PSMD14: variants seen among roughly 807,000 people sequenced by gnomAD.
PSMD14 encodes the protein proteasome 26S subunit, non-ATPase 14, also known as ubiquitin C-terminal hydrolase PSMD14.
In PSMD14, 7 loss-of-function variants were observed where a neutral mutation model predicts 41.2. That is an observed-to-expected ratio of 0.17 (90% CI 0.10 to 0.32). The LOEUF is 0.32. Among genes scored for constraint, PSMD14 ranks in the 10% least tolerant of loss-of-function variants. PSMD14 has a pLI of 1.00. For missense variants in PSMD14, 139 were observed against 375.6 expected (o/e 0.37, Z 5.21); for synonymous variants, 114 against 122.3 (o/e 0.93, Z 0.45).
At chr2:161,409,176 T>C (rs1286339366) in intron 11 of PSMD14, among the ~76,000 whole-genome samples, 2 of 152,206 alleles carry the variant, frequency 1.3e-5, no homozygotes, top group East Asian at 3.9e-4. Context: ...TTTTTAAGTA[T>C]TATTTTTACC....
intron 2 of PSMD14, among the ~76,000 whole-genome samples, chr2:161,317,541 T>TA (rs1215383645): frequency 6.6e-6 from 1 of 152,180 alleles, no homozygotes; most frequent in Admixed American, 6.5e-5. Context: ...AGGTGATGGT[T>TA]ACATGGATGT....
chr2:161,329,272 A>G (rs1013604111), intron 3 of PSMD14, among the ~76,000 whole-genome samples: 2 of 152,162 alleles, frequency 1.3e-5, no homozygotes, highest in African/African-American at 4.8e-5. Flanking sequence ...TGCTAGAGCA[A>G]TCCTGCCATG....
chr2:161,377,397 C>G (rs1475997396), intron 7 of PSMD14, among the ~76,000 whole-genome samples: 3 of 151,794 alleles, frequency 2.0e-5, no homozygotes, highest in Non-Finnish European at 4.4e-5. Context: ...GTCTTTCACT[C>G]TTATTATCAG....
At chr2:161,397,634 T>C (rs1046965236) in intron 10 of PSMD14, among the ~76,000 whole-genome samples, 3 of 152,274 alleles carry the variant, frequency 2.0e-5, no homozygotes, top group Admixed American at 6.5e-5. Flanking sequence ...AAATACATCT[T>C]AAAAAATATT....
chr2:161,325,341 T>C (rs551647321), intron 3 of PSMD14, among the ~76,000 whole-genome samples: 1 of 152,324 alleles, frequency 6.6e-6, no homozygotes, highest in Non-Finnish European at 1.5e-5. Context: ...TTGAATAGGA[T>C]GTATTTTGTT....
intron 3 of PSMD14, chr2:161,340,903 T>C: frequency 1.2e-6 from 2 of 1,613,946 alleles, no homozygotes; most frequent in South Asian, 2.2e-5. Flanking sequence ...GGGCTGTATT[T>C]GAAGGAGAAG....
intron 3 of PSMD14, among the ~76,000 whole-genome samples, chr2:161,336,590 T>C (rs1452292685): frequency 6.6e-6 from 1 of 152,154 alleles, no homozygotes; most frequent in Non-Finnish European, 1.5e-5. Flanking sequence ...TATTCATTTA[T>C]TTTGAGACGG....
chr2:161,341,001 G>A, intron 3 of PSMD14: 2 of 1,611,340 alleles, frequency 1.2e-6, no homozygotes, highest in African/African-American at 1.3e-5. Flanking sequence ...CGCCTCCACC[G>A]CCTGCTCCTC....
chr2:161,385,646 T>A (rs1021297075), intron 8 of PSMD14, 75 bp downstream of exon 8: 2 of 785,722 alleles, frequency 2.5e-6, no homozygotes, highest in African/African-American at 3.6e-5. Flanking sequence ...CTTTTTAAGT[T>A]CTAATTCTTA....
intron 8 of PSMD14, among the ~76,000 whole-genome samples, chr2:161,388,641 C>T (rs1262835162): frequency 3.3e-5 from 5 of 152,002 alleles, no homozygotes; most frequent in African/African-American, 4.8e-5. Flanking sequence ...CATTTTAGAA[C>T]GTGATTTAAA....
At chr2:161,330,616 C>T (rs1306861599) in intron 3 of PSMD14, among the ~76,000 whole-genome samples, 1 of 152,126 alleles carries the variant, frequency 6.6e-6, no homozygotes, top group Non-Finnish European at 1.5e-5. Context: ...TCTCTTACAA[C>T]ACAGACTCAA....
chr2:161,317,134 C>T (rs202151340), intron 2 of PSMD14, among the ~76,000 whole-genome samples: 1 of 152,020 alleles, frequency 6.6e-6, no homozygotes, highest in East Asian at 1.9e-4. Context: ...CAGGATTCCC[C>T]CCGCCCCGTT....
chr2:161,355,559 T>C (rs933593852), intron 3 of PSMD14, among the ~76,000 whole-genome samples: 26 of 152,168 alleles, frequency 1.7e-4, no homozygotes, highest in Non-Finnish European at 8.8e-5. Context: ...TTTTTGTCTT[T>C]CTTTTTTTCT....
chr2:161,339,052 A>C (rs550806560), intron 3 of PSMD14, among the ~76,000 whole-genome samples: 1 of 152,316 alleles, frequency 6.6e-6, no homozygotes, highest in African/African-American at 2.4e-5. Flanking sequence ...GTTCATGGAT[A>C]ATTTGGTGTG....
chr2:161,335,301 G>T (rs940995715), intron 3 of PSMD14, among the ~76,000 whole-genome samples: 3 of 152,144 alleles, frequency 2.0e-5, no homozygotes, highest in African/African-American at 7.2e-5. Flanking sequence ...TTGTCCAGTG[G>T]AACTTTCTGT....
At chr2:161,377,650 AATAAT>A (rs1295120290) in intron 7 of PSMD14, among the ~76,000 whole-genome samples, 5 of 151,942 alleles carry the variant, frequency 3.3e-5, no homozygotes, top group African/African-American at 1.2e-4. Context: ...CTTCTATATT[AATAAT>A]ATAATCTCTG....
At chr2:161,389,379 A>G (rs771888055) in intron 8 of PSMD14, among the ~76,000 whole-genome samples, 7 of 152,170 alleles carry the variant, frequency 4.6e-5, no homozygotes, top group Non-Finnish European at 8.8e-5. Flanking sequence ...TACCAGGCTG[A>G]TTCACCTCCT....
intron 1 of PSMD14, among the ~76,000 whole-genome samples, chr2:161,312,944 A>G (rs372716075): frequency 5.3e-5 from 8 of 152,354 alleles, no homozygotes; most frequent in East Asian, 3.9e-4. Flanking sequence ...CTGTGTTGGT[A>G]GCCATGCTCA....
At position 161,344,838 on chromosome 2, in the gene PSMD14, GCTTAT is replaced by G. The variant is rs1683017836; in HGVS notation, c.49-22636_49-22632del. Among the ~76,000 whole-genome samples the G allele has an allele frequency of 2.6e-5, 4 of 152,136 alleles. No individual in the cohort carries two copies. In the South Asian group the frequency reaches 8.3e-4, roughly 31 times the overall value. ...TTCAGATATTATCTCTCAGTCTATG[GCTTAT>G]CTTTTCACTTTCTTGAGGGCGACCT... On this transcript the variant is annotated intron_variant, in intron 3 of 11. Coordinates refer to ENST00000409682, the MANE Select transcript of PSMD14 (RefSeq NM_005805.6).
Sources: allele counts gnomAD v4.1 joint callset (sites outside exome capture counted in the v4.1 genomes callset), GRCh38; gene constraint gnomAD v4.1.1; transcripts MANE v1.5; gene names NCBI Gene and HGNC (gene_info 2026-07-23, HGNC 2026-07-21).